Variants in MTMR4 observed in about 807,000 individuals in gnomAD.
The protein encoded by MTMR4 is phosphatidylinositol-3,5-bisphosphate 3-phosphatase MTMR4.
MTMR4 carries 30 observed loss-of-function variants against 125.5 expected under a neutral mutation model. The observed-to-expected ratio is 0.24, with a 90% confidence interval of 0.18 to 0.32. MTMR4 has a LOEUF of 0.32. MTMR4 is among the 10% of genes least tolerant of loss of function. MTMR4 has a pLI of 1.00. For synonymous variants in MTMR4, 498 were observed against 564.5 expected, an observed-to-expected ratio of 0.88 and a Z score of 1.67; for missense variants, 1,039 against 1,511.5, an observed-to-expected ratio of 0.69 and a Z score of 5.18.
intron 4 of MTMR4, among the ~76,000 whole-genome samples, chr17:58,509,330 C>T (rs1975864217): frequency 6.6e-6 from 1 of 151,420 alleles, no homozygotes; most frequent in Non-Finnish European, 1.5e-5. Flanking sequence ...AGTCTCACCT[C>T]TTCCTTGAAG....
At position 58,496,022 on chromosome 17, in the gene MTMR4, G is replaced by A. The variant is rs1031527255; in HGVS notation, c.2162C>T (p.Thr721Ile). The change falls in exon 15 of 18, where the codon ACC (threonine) becomes ATC (isoleucine). Residue 721 changes from threonine (T) to isoleucine (I), a missense_variant. Physicochemically the swap from Thr to Ile is moderately conservative, Grantham distance 89. Transcript: ENST00000682306. ...SCSPSYKLLN[T>I]AVPREMKSNT... ...GCTCTTCATTTCCCGAGGCACTGCG[G>A]TATTAAGCAGTTTGTAACTTGGAGA... The A allele has an allele frequency of 6.2e-7, 1 of 1,614,084 alleles. No homozygotes were observed. Among genetic ancestry groups the A allele is most frequent in the Non-Finnish European group, 8.5e-7 (1 of 1,180,028 alleles).
At chr17:58,509,846 A>G (rs1245699099) in intron 4 of MTMR4, among the ~76,000 whole-genome samples, 3 of 152,188 alleles carry the variant, frequency 2.0e-5, no homozygotes, top group Non-Finnish European at 2.9e-5. Flanking sequence ...AATGCCCCAC[A>G]GACCTGAGCA....
upstream of MTMR4, chr17:58,516,720 ATTC>A: frequency 9.7e-7 from 1 of 1,034,956 alleles, no homozygotes; most frequent in Admixed American, 1.8e-5. Context: ...TACAACTCTT[ATTC>A]TTCTCCCTCA....
intron 14 of MTMR4, among the ~76,000 whole-genome samples, chr17:58,500,805 T>C (rs1452898852): frequency 1.3e-5 from 2 of 151,792 alleles, no homozygotes; most frequent in African/African-American, 4.8e-5. Flanking sequence ...GTGTCTTATC[T>C]TACAGCTTAA....
rs1253953263 is a variant in MTMR4, at chr17:58,508,990, C to T, written c.336-149G>A. 6 of 766,698 alleles carry T rather than the reference C, an allele frequency of 7.8e-6. No homozygotes were observed. Among genetic ancestry groups the T allele is most frequent in the East Asian group, 2.7e-5 (1 of 36,874 alleles). The allele number at this position is 766,698 out of a possible 1,614,324, so 47.5% of individuals were successfully genotyped here. A position where few individuals can be genotyped will look rare whatever the true frequency, so the allele number is the denominator to read the frequency against. ...GCAGTGGGGACCCAGGGTGGGGGGA[C>T]GAGGGACACTGGCCAACACCCAACA... On this transcript the variant is annotated intron_variant, in intron 4 of 17. Coordinates refer to ENST00000682306, the MANE Select transcript of MTMR4 (RefSeq NM_001378067.1). The surrounding 1 kb of genome is among the most constrained non-coding windows in gnomAD (Gnocchi z 4.8).
chr17:58,516,750 T>A, upstream of MTMR4: 1 of 781,424 alleles, frequency 1.3e-6, no homozygotes, highest in Non-Finnish European at 2.2e-6. Context: ...CTCCAGTCTC[T>A]CCACAAGTCA....
chr17:58,492,958 GAA>G lies in MTMR4; in HGVS notation c.3253-8_3253-7del. 1.9e-6 allele frequency: 3 copies of G among 1,611,294 alleles called. No individual in the cohort carries two copies. The East Asian group carries it at 6.7e-5, about 36-fold the overall frequency. On this transcript the variant is annotated splice_region_variant and splice_polypyrimidine_tract_variant and intron_variant, in intron 15 of 17. Coordinates refer to ENST00000682306, the MANE Select transcript of MTMR4 (RefSeq NM_001378067.1). The stretch of plus-strand genomic sequence containing the variant: ...TCTGACTCCTTCAAACATGTCTGAT[GAA>G]AAGGCAAAGACAACAAATTATCTTC...
At chr17:58,511,295 T>C (rs1002123916) in intron 4 of MTMR4, 134 bp downstream of exon 4, 3 of 826,292 alleles carry the variant, frequency 3.6e-6, no homozygotes, top group African/African-American at 3.4e-5. Context: ...ACCCAGAACA[T>C]GGTCTTCACC....
upstream of MTMR4, among the ~76,000 whole-genome samples, chr17:58,517,081 C>T (rs1317955249): frequency 6.6e-6 from 1 of 152,214 alleles, no homozygotes; most frequent in Non-Finnish European, 1.5e-5. Context: ...GTAGTACCCA[C>T]CTGACCTGTT....
chr17:58,491,913 G>T lies in MTMR4; in HGVS notation c.3453-73C>A, dbSNP rs996934664. ...TGGCCAGGCAGGGTGACTCACACCA[G>T]TAATCCCTGCACTTTGGTAGGCTGA... On this transcript the variant is annotated intron_variant, in intron 17 of 17. Coordinates refer to ENST00000682306, the MANE Select transcript of MTMR4 (RefSeq NM_001378067.1). 4 of 1,447,636 alleles carry T rather than the reference G, an allele frequency of 2.8e-6. No homozygotes were observed. In the East Asian group the frequency reaches 7.0e-5, roughly 25 times the overall value. 89.7% of individuals were successfully genotyped at this position (1,447,636 alleles called of 1,614,324 possible).
At chr17:58,492,384 T>G in intron 17 of MTMR4, 127 bp downstream of exon 17, 2 of 757,452 alleles carry the variant, frequency 2.6e-6, no homozygotes, top group South Asian at 3.4e-5. Context: ...TTGGCCAGGA[T>G]GGTCTCAATC....
intron 9 of MTMR4, among the ~76,000 whole-genome samples, chr17:58,505,960 A>G (rs1165265439): frequency 1.3e-5 from 2 of 152,236 alleles, no homozygotes; most frequent in African/African-American, 2.4e-5. Context: ...ATCCAGGACA[A>G]GAGTGGTCCT....
rs1431086431 is a variant in MTMR4 at position 58,496,203 on chromosome 17, A to C, written c.1981T>G (p.Trp661Gly). The C allele has an allele frequency of 6.2e-7, 1 of 1,614,172 alleles. No homozygotes were observed. The highest frequency in any genetic ancestry group is 1.3e-5 in the African/African-American group (1 of 75,034). ...CQEVRVGLEP[W>G]HSNPEGSETS... ...TCTGATCCCTCAGGATTGCTGTGCC[A>C]GGGCTCCAGGCCTACCCTGACCTCC... Residue 661 changes from tryptophan (W) to glycine (G), a missense_variant, in exon 15 of 18, where the codon TGG (tryptophan) becomes GGG (glycine). Around this residue, in one of 6 missense-constraint regions of MTMR4, gnomAD observed 619 missense variants for 714.5 expected, o/e 0.87. Transcript: ENST00000682306.
chr17:58,516,602 T>TG, upstream of MTMR4: 1 of 1,614,152 alleles, frequency 6.2e-7, no homozygotes, highest in Non-Finnish European at 8.5e-7. Context: ...GCAAGGGTAC[T>TG]GGCTGCCTGC....
chr17:58,501,645 T>C (rs370520446), intron 14 of MTMR4, among the ~76,000 whole-genome samples: 1 of 151,526 alleles, frequency 6.6e-6, no homozygotes, highest in African/African-American at 2.4e-5. Context: ...CATGTATATA[T>C]GTATACGGAT....
chr17:58,506,560 A>G (rs1416459679), intron 9 of MTMR4, among the ~76,000 whole-genome samples, 183 bp downstream of exon 9: 1 of 152,240 alleles, frequency 6.6e-6, no homozygotes, highest in Non-Finnish European at 1.5e-5. Flanking sequence ...AGAAGAGAAA[A>G]TAAAGCTTGG....
chr17:58,502,290 T>C (rs1263410327), intron 14 of MTMR4, among the ~76,000 whole-genome samples: 4 of 151,502 alleles, frequency 2.6e-5, no homozygotes, highest in Non-Finnish European at 4.4e-5. Flanking sequence ...CCTGAGTAGA[T>C]GGGATTACAG....
At position 58,489,580 on chromosome 17, in the gene MTMR4, C is replaced by T. The variant is rs1975263836; in HGVS notation, c.*2083G>A. The T allele has an allele frequency of 6.6e-6, 1 of 152,196 alleles. No homozygotes were observed. Among genetic ancestry groups the T allele is most frequent in the South Asian group, 2.1e-4 (1 of 4,832 alleles). 9.4% of individuals were successfully genotyped at this position (152,196 alleles called of 1,614,324 possible). A position where few individuals can be genotyped will look rare whatever the true frequency, so the allele number is the denominator to read the frequency against. Reference sequence around the variant, plus strand: ...TTTAAACTGTATTGAATTTTTACAGCACATTGCATGTTTGTCACAACGCAA... The same window carrying T: ...TTTAAACTGTATTGAATTTTTACAGTACATTGCATGTTTGTCACAACGCAA... On this transcript the variant is annotated 3_prime_UTR_variant, in exon 18 of 18. Coordinates refer to ENST00000682306, the MANE Select transcript of MTMR4 (RefSeq NM_001378067.1).
chr17:58,494,389 T>C (rs2143841372), intron 15 of MTMR4, among the ~76,000 whole-genome samples: 1 of 150,952 alleles, frequency 6.6e-6, no homozygotes, highest in African/African-American at 2.4e-5. Context: ...ACTCTGATCA[T>C]ATTGTGCACT....
Sources: allele counts gnomAD v4.1 joint callset (sites outside exome capture counted in the v4.1 genomes callset), GRCh38; gene constraint gnomAD v4.1.1; regional missense constraint gnomAD v4.1.1; non-coding constraint Gnocchi (gnomAD v3.1); transcripts MANE v1.5; gene names NCBI Gene and HGNC (gene_info 2026-07-23, HGNC 2026-07-21).